TIAM1: variants seen among roughly 807,000 people sequenced by gnomAD.
TIAM1 encodes rho guanine nucleotide exchange factor TIAM1.
TIAM1 carries 65 observed loss-of-function variants against 163.5 expected under a neutral mutation model. The ratio of observed to expected loss-of-function variants is 0.40; its 90% CI spans 0.33 to 0.49. The LOEUF is 0.49. Among genes scored for constraint, TIAM1 ranks in the 20% least tolerant of loss-of-function variants. The pLI, the probability that TIAM1 is intolerant of heterozygous loss-of-function variation, is 0.77. For synonymous variants in TIAM1, 833 were observed against 810.1 expected (o/e 1.03, Z -0.48); for missense variants, 1,789 against 2,044.7 (o/e 0.87, Z 2.41).
intron 4 of TIAM1, among the ~76,000 whole-genome samples, chr21:31,255,975 T>C (rs767480879): frequency 6.6e-6 from 1 of 152,184 alleles, no homozygotes; most frequent in Non-Finnish European, 1.5e-5. Flanking sequence ...AAAATGAATG[T>C]ATGCACAAGT....
At chr21:31,517,875 G>A (rs1034823788) in intron 1 of TIAM1, among the ~76,000 whole-genome samples, 1 of 152,092 alleles carries the variant, frequency 6.6e-6, no homozygotes, top group African/African-American at 2.4e-5. Context: ...TATCTTCCTA[G>A]TCACTCCTCC....
At chr21:31,166,244 A>T (rs2084208665) in intron 15 of TIAM1, among the ~76,000 whole-genome samples, 1 of 152,230 alleles carries the variant, frequency 6.6e-6, no homozygotes. Context: ...AAGACAGTGG[A>T]TTGAGTACCA....
chr21:31,453,685 C>A (rs2044965959), intron 2 of TIAM1, among the ~76,000 whole-genome samples: 1 of 120 alleles, frequency 8.3e-3, no homozygotes, highest in Admixed American at 0.05. Flanking sequence ...GAGACTCCAT[C>A]TCCAGTAAAT....
chr21:31,152,489 G>A (rs2083424860), intron 19 of TIAM1, 147 bp downstream of exon 19: 8 of 1,124,778 alleles, frequency 7.1e-6, no homozygotes, highest in Non-Finnish European at 1.3e-6. Context: ...AGCCAGACCA[G>A]CAAGACACAC....
chr21:31,192,079 T>G (rs1200476734), intron 13 of TIAM1, among the ~76,000 whole-genome samples: 3 of 152,198 alleles, frequency 2.0e-5, no homozygotes, highest in Admixed American at 1.3e-4. Flanking sequence ...TCATAAACAT[T>G]TATTCCTTGC....
chr21:31,242,957 C>T (rs1224643400), intron 6 of TIAM1, among the ~76,000 whole-genome samples: 2 of 150,240 alleles, frequency 1.3e-5, no homozygotes, highest in African/African-American at 2.4e-5. Context: ...AAGGCCAAGG[C>T]AGGTGGATTA....
rs1783508 is a variant in TIAM1, at chr21:31,446,026, G to T, written c.-369+17957C>A. On this transcript the variant is annotated intron_variant, in intron 2 of 28. Coordinates refer to the TIAM1 transcript ENST00000286827. Reference sequence around the variant, plus strand: ...CACGATCTCAGCTCACTGCAATCTCGGCCTCCCAGGTTCAAACTATTCTCC... The same window carrying T: ...CACGATCTCAGCTCACTGCAATCTCTGCCTCCCAGGTTCAAACTATTCTCC... 5.3e-5 allele frequency among the ~76,000 whole-genome samples: 8 copies of T among 152,200 alleles called. No individual in the cohort carries two copies. The East Asian group carries it at 5.8e-4, about 11-fold the overall frequency.
At chr21:31,445,045 C>T (rs893873063) in intron 2 of TIAM1, among the ~76,000 whole-genome samples, 9 of 149,832 alleles carry the variant, frequency 6.0e-5, no homozygotes, top group African/African-American at 2.2e-4. Flanking sequence ...AAAGAAAGAA[C>T]AGAATGCAAA....
intron 2 of TIAM1, among the ~76,000 whole-genome samples, chr21:31,396,877 G>C (rs1408999266): frequency 6.6e-6 from 1 of 151,866 alleles, no homozygotes; most frequent in East Asian, 1.9e-4. Context: ...CTTGAACCTG[G>C]GGTGGAGGTT....
chr21:31,426,701 A>G (rs2043807594), intron 2 of TIAM1, among the ~76,000 whole-genome samples: 1 of 152,136 alleles, frequency 6.6e-6, no homozygotes, highest in Admixed American at 6.5e-5. Context: ...GTTTTTTTCA[A>G]CTTTGGTTTT....
At chr21:31,255,489 T>A in intron 4 of TIAM1, among the ~76,000 whole-genome samples, 1 of 152,294 alleles carries the variant, frequency 6.6e-6, no homozygotes, top group East Asian at 1.9e-4. Context: ...TACTTAGTGG[T>A]CATCTTTCAG....
intron 2 of TIAM1, among the ~76,000 whole-genome samples, chr21:31,391,497 C>A (rs542498242): frequency 3.3e-5 from 5 of 152,100 alleles, no homozygotes; most frequent in African/African-American, 9.6e-5. Flanking sequence ...TGGTGGCAGG[C>A]GCCTATAATC....
At chr21:31,217,722 G>A (rs374757757) in intron 8 of TIAM1, 23 bp from the exon 9 acceptor site, 10 of 1,610,434 alleles carry the variant, frequency 6.2e-6, no homozygotes, top group African/African-American at 4.0e-5. Flanking sequence ...AGGACAAGCA[G>A]CCACAAGGGA....
At chr21:31,436,888 G>T (rs1278300864) in intron 2 of TIAM1, among the ~76,000 whole-genome samples, 1 of 152,100 alleles carries the variant, frequency 6.6e-6, no homozygotes, top group African/African-American at 2.4e-5. Context: ...CACCCAGGAG[G>T]TGGAGGTTGC....
chr21:31,223,425 A>G lies in TIAM1; in HGVS notation c.1976T>C (p.Val659Ala). 1 of 1,613,064 alleles carries G rather than the reference A, an allele frequency of 6.2e-7. No homozygotes were observed. The highest frequency in any genetic ancestry group is 8.5e-7 in the Non-Finnish European group (1 of 1,179,438). The change falls in exon 8 of 28, where the codon GTA becomes GCA. Residue 659 changes from valine (V) to alanine (A), a missense_variant. Val to Ala is a moderately conservative substitution (Grantham distance 64). Around this residue, in one of 5 missense-constraint regions of TIAM1, gnomAD observed 456 missense variants for 586.6 expected, o/e 0.78. Transcript: ENST00000541036. ...ACTCACCAGGGCATGAAACGATGAT[A>G]CCGAAAAGATTCCAAGGCGGCCCAT... Reference protein sequence around the residue: ...VAMGRLGIFSVSSFHALVAAR... With the variant: ...VAMGRLGIFSASSFHALVAAR...
intron 4 of TIAM1, among the ~76,000 whole-genome samples, chr21:31,264,112 C>T (rs1021147987): frequency 8.5e-5 from 13 of 152,234 alleles, no homozygotes; most frequent in African/African-American, 2.9e-4. Context: ...AACTTGGTTT[C>T]TAGGACACAA....
chr21:31,507,407 A>G (rs1045293211), intron 1 of TIAM1, among the ~76,000 whole-genome samples: 1 of 151,268 alleles, frequency 6.6e-6, no homozygotes, highest in African/African-American at 2.4e-5. Flanking sequence ...GGGTTTCACC[A>G]TGTTGGCCAG....
chr21:31,337,113 T>C (rs951263970), intron 2 of TIAM1, among the ~76,000 whole-genome samples: 20 of 152,146 alleles, frequency 1.3e-4, no homozygotes, highest in African/African-American at 4.6e-4. Flanking sequence ...TTGCTTTGAA[T>C]AGGTTACTTA....
At chr21:31,394,973 C>T (rs1195005392) in intron 2 of TIAM1, among the ~76,000 whole-genome samples, 4 of 152,146 alleles carry the variant, frequency 2.6e-5, no homozygotes, top group Non-Finnish European at 4.4e-5. Flanking sequence ...CATGATGGCT[C>T]ATACCTGTAA....
Sources: allele counts gnomAD v4.1 joint callset (sites outside exome capture counted in the v4.1 genomes callset), GRCh38; gene constraint gnomAD v4.1.1; regional missense constraint gnomAD v4.1.1; transcripts MANE v1.5; gene names NCBI Gene and HGNC (gene_info 2026-07-23, HGNC 2026-07-21).